SOX6: variants seen among roughly 807,000 people sequenced by gnomAD.
The protein encoded by SOX6 is SRY-box transcription factor 6, also known as transcription factor SOX-6.
A neutral mutation model predicts 97.8 loss-of-function variants in SOX6; 11 were observed. That is an observed-to-expected ratio of 0.11 (90% CI 0.07 to 0.19). The LOEUF is 0.19. Ranked by LOEUF, SOX6 falls within the 10% of genes least tolerant of loss-of-function variation. SOX6 has a pLI of 1.00. For synonymous variants in SOX6, 360 were observed against 371.4 expected, an observed-to-expected ratio of 0.97 and a Z score of 0.35; for missense variants, 810 against 1,039.5, an observed-to-expected ratio of 0.78 and a Z score of 3.04.
intron 2 of SOX6, chr11:16,714,923 A>G (rs1848209409): frequency 6.6e-6 from 1 of 152,232 alleles, no homozygotes. Flanking sequence ...AAAAGTTTCA[A>G]AAAATAAATT....
At chr11:16,351,809 A>G (rs1309395219) in intron 1 of SOX6, among the ~76,000 whole-genome samples, 1 of 152,050 alleles carries the variant, frequency 6.6e-6, no homozygotes, top group African/African-American at 2.4e-5. Context: ...CTCATTCAAC[A>G]CTTAATGGAT....
At chr11:16,557,200 A>G (rs982394714) in intron 4 of SOX6, among the ~76,000 whole-genome samples, 2 of 151,906 alleles carry the variant, frequency 1.3e-5, no homozygotes, top group Non-Finnish European at 2.9e-5. Context: ...GTATAATTAA[A>G]GTTTATGCAT....
At chr11:16,005,115 T>C (rs1043695608) in intron 13 of SOX6, among the ~76,000 whole-genome samples, 85 of 152,000 alleles carry the variant, frequency 5.6e-4, no homozygotes, top group African/African-American at 1.7e-3. Flanking sequence ...ATGTGTTCCC[T>C]TTATAGACTT....
At chr11:16,087,873 G>A (rs1383883845) in intron 9 of SOX6, among the ~76,000 whole-genome samples, 12 of 151,740 alleles carry the variant, frequency 7.9e-5, no homozygotes, top group Admixed American at 7.9e-4. Context: ...CTCAATCTTC[G>A]CACTATTGGA....
intron 3 of SOX6, among the ~76,000 whole-genome samples, chr11:16,701,134 A>C (rs546451804): frequency 1.3e-5 from 2 of 152,318 alleles, no homozygotes; most frequent in South Asian, 4.1e-4. Flanking sequence ...GACTATAATC[A>C]TTACCATTCA....
intron 1 of SOX6, among the ~76,000 whole-genome samples, chr11:16,454,038 T>C (rs894844448): frequency 4.6e-5 from 7 of 152,142 alleles, no homozygotes; most frequent in Non-Finnish European, 7.4e-5. Flanking sequence ...CAAGGCTACA[T>C]GCAGAATCGT....
chr11:16,321,344 C>A (rs1465748833), intron 2 of SOX6, among the ~76,000 whole-genome samples: 1 of 150,576 alleles, frequency 6.6e-6, no homozygotes, highest in East Asian at 2.0e-4. Context: ...TGGTTACCTA[C>A]AAATGACTCA....
intron 9 of SOX6, among the ~76,000 whole-genome samples, chr11:16,069,447 G>GA (rs1245712332): frequency 2.0e-5 from 3 of 151,964 alleles, no homozygotes; most frequent in Non-Finnish European, 2.9e-5. Context: ...TGGGTTATAT[G>GA]AAAAAAATGT....
intron 3 of SOX6, among the ~76,000 whole-genome samples, chr11:16,651,543 T>A (rs144793379): frequency 1.3e-5 from 2 of 152,118 alleles, no homozygotes; most frequent in Non-Finnish European, 2.9e-5. Flanking sequence ...TCTCAATAGA[T>A]GTAGAAAAAG....
intron 4 of SOX6, among the ~76,000 whole-genome samples, chr11:16,573,892 ACT>A (rs1279979429): frequency 6.6e-6 from 1 of 152,084 alleles, no homozygotes; most frequent in Non-Finnish European, 1.5e-5. Context: ...TAACTTTTTG[ACT>A]TCTCTGTTAC....
At chr11:16,333,011 G>T (rs143255105) in intron 2 of SOX6, among the ~76,000 whole-genome samples, 15 of 152,274 alleles carry the variant, frequency 9.9e-5, no homozygotes, top group East Asian at 5.8e-4. Context: ...ACAGAGTAGG[G>T]TCTTTCCTGC....
chr11:16,571,962 G>GT (rs940339449), intron 4 of SOX6, among the ~76,000 whole-genome samples: 9 of 152,216 alleles, frequency 5.9e-5, no homozygotes, highest in African/African-American at 1.7e-4. Flanking sequence ...CCGACATTCA[G>GT]TTTTTTTAAA....
intron 3 of SOX6, among the ~76,000 whole-genome samples, chr11:16,289,386 A>G (rs2134255726): frequency 6.6e-6 from 1 of 152,110 alleles, no homozygotes; most frequent in African/African-American, 2.4e-5. Context: ...TTTGAGCATG[A>G]CTACCTCAGG....
intron 4 of SOX6, among the ~76,000 whole-genome samples, chr11:16,599,156 G>A (rs954336001): frequency 1.3e-4 from 20 of 152,072 alleles, no homozygotes; most frequent in African/African-American, 1.9e-4. Flanking sequence ...ATAATATCAC[G>A]TTAGGCTTCT....
At chr11:16,495,376 T>A (rs1475643092) in intron 4 of SOX6, among the ~76,000 whole-genome samples, 1 of 152,148 alleles carries the variant, frequency 6.6e-6, no homozygotes, top group Non-Finnish European at 1.5e-5. Flanking sequence ...TGCCCATATG[T>A]ACCACCAAGG....
rs539114694 is a variant in SOX6, at chr11:16,394,487, C to T, written c.-4-53235G>A. 4.6e-5 allele frequency among the ~76,000 whole-genome samples: 7 copies of T among 151,806 alleles called. No individual in the cohort carries two copies. The South Asian group carries it at 8.3e-4, about 18-fold the overall frequency. ...TTAGCCTTGGACTTAATTACAAATG[C>T]CAGCAAAGATTTACATAGAATACAA... On this transcript the variant is annotated intron_variant, in intron 1 of 15. Transcript: ENST00000396356.
At chr11:16,083,435 CT>C (rs1260898179) in intron 9 of SOX6, among the ~76,000 whole-genome samples, 1 of 152,152 alleles carries the variant, frequency 6.6e-6, no homozygotes. Context: ...TAATGCCTTA[CT>C]TTGTTTTGTT....
intron 3 of SOX6, among the ~76,000 whole-genome samples, chr11:16,263,347 C>A (rs751470030): frequency 2.2e-4 from 33 of 151,766 alleles, no homozygotes; most frequent in Admixed American, 4.0e-4. Flanking sequence ...CATTCCTAAC[C>A]AAAACAAAAT....
At chr11:16,559,398 G>A (rs1237999509) in intron 4 of SOX6, among the ~76,000 whole-genome samples, 1 of 152,000 alleles carries the variant, frequency 6.6e-6, no homozygotes. Flanking sequence ...CAAAGTCTTT[G>A]CCATAAAAAT....
Sources: allele counts gnomAD v4.1 joint callset (sites outside exome capture counted in the v4.1 genomes callset), GRCh38; gene constraint gnomAD v4.1.1; transcripts MANE v1.5; gene names NCBI Gene and HGNC (gene_info 2026-07-23, HGNC 2026-07-21).